The following PPP4R3B variants were observed in gnomAD, a reference collection of about 807,000 sequenced individuals.
PPP4R3B encodes protein phosphatase 4 regulatory subunit 3B.
A neutral mutation model predicts 95.4 loss-of-function variants in PPP4R3B; 52 were observed. The ratio of observed to expected loss-of-function variants is 0.54; its 90% CI spans 0.44 to 0.69. PPP4R3B has a LOEUF of 0.69. PPP4R3B is among the 30% of genes least tolerant of loss of function. The probability of loss-of-function intolerance (pLI) is 0.00; values close to 1 mark genes in which losing one functional copy is unlikely to be tolerated. For missense variants in PPP4R3B, 1,003 were observed against 1,005.9 expected, an observed-to-expected ratio of 1.00 and a Z score of 0.04; for synonymous variants, 407 against 343.9, an observed-to-expected ratio of 1.18 and a Z score of -2.03.
At chr2:55,555,522 T>C (rs1367697429) in intron 16 of PPP4R3B, among the ~76,000 whole-genome samples, 2 of 152,010 alleles carry the variant, frequency 1.3e-5, no homozygotes, top group East Asian at 1.9e-4. Context: ...CTGACGAGCC[T>C]GGCCAACATG....
chr2:55,588,802 G>A (rs1574825827), intron 5 of PPP4R3B, 77 bp downstream of exon 5: 1 of 893,472 alleles, frequency 1.1e-6, no homozygotes, highest in East Asian at 2.6e-5. Context: ...ATTGTCTCAA[G>A]TTAGCAAATT....
chr2:55,599,453 A>C (rs1213198174), intron 3 of PPP4R3B, among the ~76,000 whole-genome samples: 1 of 152,144 alleles, frequency 6.6e-6, no homozygotes, highest in Non-Finnish European at 1.5e-5. Flanking sequence ...ATAAAATAAA[A>C]AATTAAAATA....
chr2:55,610,424 G>C (rs1027897231), intron 2 of PPP4R3B, among the ~76,000 whole-genome samples: 3 of 151,984 alleles, frequency 2.0e-5, no homozygotes, highest in Admixed American at 1.3e-4. Context: ...GTGGTAGGAG[G>C]GGGAGAAACC....
chr2:55,608,653 T>C (rs907980078), intron 2 of PPP4R3B, among the ~76,000 whole-genome samples: 1 of 152,224 alleles, frequency 6.6e-6, no homozygotes, highest in Non-Finnish European at 1.5e-5. Context: ...TTGGATCATG[T>C]CATCACTTTG....
intron 2 of PPP4R3B, among the ~76,000 whole-genome samples, chr2:55,605,882 G>T (rs1468046536): frequency 3.4e-5 from 5 of 146,206 alleles, no homozygotes; most frequent in Non-Finnish European, 5.9e-5. Context: ...CTCCAGCCTG[G>T]CAACAGTGCG....
At chr2:55,590,350 T>C (rs997897307) in intron 4 of PPP4R3B, among the ~76,000 whole-genome samples, 5 of 152,178 alleles carry the variant, frequency 3.3e-5, no homozygotes, top group Admixed American at 3.3e-4. Context: ...ATAATAATAA[T>C]AAATAAATTT....
chr2:55,561,576 G>A (rs368265965), intron 15 of PPP4R3B, among the ~76,000 whole-genome samples: 37 of 152,306 alleles, frequency 2.4e-4, no homozygotes, highest in African/African-American at 8.4e-4. Context: ...AAAGCCATAG[G>A]GGCGAAGCCA....
intron 12 of PPP4R3B, among the ~76,000 whole-genome samples, chr2:55,572,863 T>A (rs1327019909): frequency 6.6e-6 from 1 of 152,188 alleles, no homozygotes; most frequent in Non-Finnish European, 1.5e-5. Context: ...TACTATAAAA[T>A]CTTACTCAGC....
chr2:55,606,644 G>T (rs1693441499), intron 2 of PPP4R3B, among the ~76,000 whole-genome samples: 2 of 151,914 alleles, frequency 1.3e-5, no homozygotes, highest in African/African-American at 4.8e-5. Context: ...CAACATGGTT[G>T]AAACCCCATC....
At chr2:55,576,244 G>T (rs1423486903) in intron 11 of PPP4R3B, among the ~76,000 whole-genome samples, 2 of 152,216 alleles carry the variant, frequency 1.3e-5, no homozygotes, top group Non-Finnish European at 2.9e-5. Context: ...AGCTACTTGG[G>T]AGGCTGAGGC....
chr2:55,593,508 T>TA (rs1429892017), intron 4 of PPP4R3B, among the ~76,000 whole-genome samples: 1 of 152,162 alleles, frequency 6.6e-6, no homozygotes, highest in African/African-American at 2.4e-5. Flanking sequence ...AAACCACAGG[T>TA]AAGTGTACTA....
At chr2:55,569,598 G>A (rs777147135) in intron 12 of PPP4R3B, among the ~76,000 whole-genome samples, 1 of 152,078 alleles carries the variant, frequency 6.6e-6, no homozygotes, top group Non-Finnish European at 1.5e-5. Context: ...TCTCTGCCTC[G>A]GCTGCCAGGC....
In PPP4R3B at chr2:55,547,435, C is replaced by A. The variant is rs563265423; in HGVS notation, c.*2476G>T. On this transcript the variant is annotated 3_prime_UTR_variant, in exon 17 of 17. Coordinates refer to ENST00000616407, the MANE Select transcript of PPP4R3B (RefSeq NM_001122964.3). ...AAGATAAAGATATAAAAACCCAGAT[C>A]TGCCTGAGGGTAGTCGTTTAAAGAC... 6.6e-6 allele frequency: 1 copy of A among 152,302 alleles called. No homozygotes were observed. Among genetic ancestry groups the A allele is most frequent in the Non-Finnish European group, 1.5e-5 (1 of 68,026 alleles). The allele number at this position is 152,302 out of a possible 1,614,324, so 9.4% of individuals were successfully genotyped here. A position where few individuals can be genotyped will look rare whatever the true frequency, so the allele number is the denominator to read the frequency against.
intron 4 of PPP4R3B, among the ~76,000 whole-genome samples, chr2:55,592,028 CA>C (rs1691099987): frequency 6.6e-6 from 1 of 151,652 alleles, no homozygotes; most frequent in South Asian, 2.1e-4. Flanking sequence ...CTTTTCTGGA[CA>C]ACATAAAAAA....
chr2:55,600,456 A>AAAAG (rs1692404304), intron 3 of PPP4R3B, among the ~76,000 whole-genome samples: 2 of 144,540 alleles, frequency 1.4e-5, no homozygotes, highest in South Asian at 2.2e-4. Flanking sequence ...AAAAAAAAAA[A>AAAAG]GGCGGGCAGG....
intron 7 of PPP4R3B, among the ~76,000 whole-genome samples, chr2:55,583,821 AAGATT>A (rs1689739762): frequency 6.6e-6 from 1 of 152,254 alleles, no homozygotes; most frequent in Non-Finnish European, 1.5e-5. Context: ...GACACATTAA[AAGATT>A]AAATGCAAAA....
At chr2:55,574,647 G>T in intron 11 of PPP4R3B, among the ~76,000 whole-genome samples, 1 of 149,482 alleles carries the variant, frequency 6.7e-6, no homozygotes, top group Non-Finnish European at 1.5e-5. Context: ...AGGCTGGAGT[G>T]CAGTGGCGCG....
intron 11 of PPP4R3B, among the ~76,000 whole-genome samples, chr2:55,575,310 T>G (rs1354128024): frequency 6.6e-6 from 1 of 152,102 alleles, no homozygotes; most frequent in Admixed American, 6.5e-5. Context: ...CTTGCATTTT[T>G]TCTTTCCCTG....
intron 2 of PPP4R3B, among the ~76,000 whole-genome samples, chr2:55,612,409 G>A (rs1266652450): frequency 1.3e-5 from 2 of 152,126 alleles, no homozygotes; most frequent in African/African-American, 4.8e-5. Context: ...CTCAATTTGT[G>A]TAACTTCAAA....
Sources: gnomAD v4.1 joint callset for allele counts (sites outside exome capture counted in the v4.1 genomes callset) on GRCh38, gnomAD v4.1.1 for gene constraint, MANE v1.5 for transcripts, NCBI Gene and HGNC (gene_info 2026-07-23, HGNC 2026-07-21) for gene names.